GRID1: variants seen among roughly 807,000 people sequenced by gnomAD.
The protein encoded by GRID1 is glutamate ionotropic receptor delta type subunit 1, also known as glutamate receptor ionotropic, delta-1.
GRID1 carries 28 observed loss-of-function variants against 98.0 expected under a neutral mutation model. The observed-to-expected ratio is 0.29, with a 90% CI of 0.21 to 0.39. The LOEUF (loss-of-function observed/expected upper bound fraction) is 0.39. Ranked by LOEUF, GRID1 falls within the 10% of genes least tolerant of loss-of-function variation. The pLI, the probability that GRID1 is intolerant of heterozygous loss-of-function variation, is 1.00. For synonymous variants in GRID1, 553 were observed against 538.5 expected (o/e 1.03, Z -0.37); for missense variants, 1,111 against 1,340.5 (o/e 0.83, Z 2.67).
chr10:85,925,766 G>C (rs1305844046), intron 4 of GRID1, among the ~76,000 whole-genome samples: 1 of 152,184 alleles, frequency 6.6e-6, no homozygotes. Context: ...TCCTGACCCA[G>C]AGCGGGTACA....
At chr10:85,648,573 T>C (rs1476389117) in intron 12 of GRID1, among the ~76,000 whole-genome samples, 1 of 152,018 alleles carries the variant, frequency 6.6e-6, no homozygotes, top group African/African-American at 2.4e-5. Flanking sequence ...TACACAACCC[T>C]CCATCTTCCG....
intron 4 of GRID1, among the ~76,000 whole-genome samples, chr10:86,084,899 T>G (rs977571520): frequency 1.3e-5 from 2 of 152,110 alleles, no homozygotes; most frequent in African/African-American, 2.4e-5. Flanking sequence ...GAGTTATTGT[T>G]TCATGGGTAC....
In GRID1 at chr10:86,365,500, C is replaced by A. The variant is rs1848663728; in HGVS notation, c.79+814G>T. Among the ~76,000 whole-genome samples, 3 of 151,748 alleles carry A rather than the reference C, an allele frequency of 2.0e-5. No individual in the cohort carries two copies. The South Asian group carries it at 6.3e-4, about 32-fold the overall frequency. On this transcript the variant is annotated intron_variant, in intron 1 of 15. Coordinates refer to ENST00000327946, the MANE Select transcript of GRID1 (RefSeq NM_017551.3). The surrounding 1 kb of genome is among the most constrained non-coding windows in gnomAD (Gnocchi z 4.8). ...CTCCTCCTCTGCGCTTTCATCTTCT[C>A]TCCCGGTTCTCTCTCTCTATCCATC...
intron 12 of GRID1, among the ~76,000 whole-genome samples, chr10:85,656,964 T>A (rs1840906058): frequency 6.6e-6 from 1 of 152,202 alleles, no homozygotes. Flanking sequence ...AAAGTCAAAG[T>A]GTGCATCCAA....
intron 2 of GRID1, among the ~76,000 whole-genome samples, chr10:86,263,968 G>T (rs1260196633): frequency 6.6e-6 from 1 of 152,200 alleles, no homozygotes. Context: ...GAGAGGGGAA[G>T]GGACTTGTCC....
At chr10:85,729,477 G>T in intron 9 of GRID1, 36 bp downstream of exon 9, 1 of 1,213,544 alleles carries the variant, frequency 8.2e-7, no homozygotes, top group Non-Finnish European at 1.2e-6. Flanking sequence ...AGCCTGGATG[G>T]TGTAGCTCGC....
intron 4 of GRID1, among the ~76,000 whole-genome samples, chr10:86,069,262 G>C (rs1033377053): frequency 2.0e-5 from 3 of 152,166 alleles, no homozygotes; most frequent in Non-Finnish European, 4.4e-5. Context: ...GATGTGAGCA[G>C]AATTATAATC....
chr10:86,073,892 C>T (rs1843840304), intron 4 of GRID1, among the ~76,000 whole-genome samples: 1 of 152,192 alleles, frequency 6.6e-6, no homozygotes, highest in South Asian at 2.1e-4. Flanking sequence ...AGGACCGCAG[C>T]AGACAGGCGC....
intron 8 of GRID1, among the ~76,000 whole-genome samples, chr10:85,806,455 TTTAA>T (rs1321408021): frequency 6.6e-6 from 1 of 152,168 alleles, no homozygotes; most frequent in Non-Finnish European, 1.5e-5. Flanking sequence ...ACCCTAGATA[TTTAA>T]TTAAGACAAA....
intron 2 of GRID1, among the ~76,000 whole-genome samples, chr10:86,262,069 G>C (rs1005375726): frequency 1.3e-5 from 2 of 152,224 alleles, no homozygotes; most frequent in African/African-American, 4.8e-5. Context: ...ACACAGCCAG[G>C]AGGTGGCAGT....
chr10:85,832,555 A>G (rs927139332), intron 8 of GRID1, among the ~76,000 whole-genome samples: 4 of 152,196 alleles, frequency 2.6e-5, no homozygotes, highest in South Asian at 2.1e-4. Flanking sequence ...AAGATGATGT[A>G]GACTCATTTC....
intron 12 of GRID1, among the ~76,000 whole-genome samples, chr10:85,665,586 C>T (rs1399099554): frequency 6.6e-6 from 1 of 152,128 alleles, no homozygotes; most frequent in African/African-American, 2.4e-5. Context: ...AGGAACATAC[C>T]ATCTCTATTA....
intron 4 of GRID1, among the ~76,000 whole-genome samples, chr10:85,998,426 T>G (rs1039807740): frequency 6.6e-6 from 1 of 152,026 alleles, no homozygotes; most frequent in Non-Finnish European, 1.5e-5. Context: ...TAGAAAATAT[T>G]TTGAATTACA....
chr10:86,040,305 G>A (rs1224564171), intron 4 of GRID1, among the ~76,000 whole-genome samples: 1 of 152,082 alleles, frequency 6.6e-6, no homozygotes, highest in Admixed American at 6.5e-5. Flanking sequence ...CACGTTTATT[G>A]CAGTGCTATT....
intron 4 of GRID1, among the ~76,000 whole-genome samples, chr10:85,964,209 C>T (rs753451908): frequency 1.3e-5 from 2 of 152,140 alleles, no homozygotes; most frequent in Non-Finnish European, 2.9e-5. Context: ...GGCCATACTG[C>T]CCAAAGTAAT....
intron 2 of GRID1, among the ~76,000 whole-genome samples, chr10:86,357,519 G>A (rs1848548572): frequency 6.6e-6 from 1 of 152,254 alleles, no homozygotes; most frequent in Admixed American, 6.5e-5. Flanking sequence ...GAGGAAGTGG[G>A]TGGTGCTGGA....
intron 4 of GRID1, among the ~76,000 whole-genome samples, chr10:85,986,305 T>C (rs112631798): frequency 2.6e-5 from 4 of 152,318 alleles, no homozygotes; most frequent in African/African-American, 9.6e-5. Flanking sequence ...TACCTGCAAA[T>C]AGCAAGCCCA....
At chr10:85,709,184 C>A in intron 12 of GRID1, 1 of 278,678 alleles carries the variant, frequency 3.6e-6, no homozygotes, top group Non-Finnish European at 7.3e-6. Context: ...TGGGCTTATG[C>A]CCTGCTGCAG....
rs757389944 is a variant in GRID1 at position 85,916,210 on chromosome 10, G to A, written c.756C>T (p.Asp252=). 4.3e-6 allele frequency: 7 copies of A among 1,613,482 alleles called. No homozygotes were observed. The African/African-American group carries it at 8.0e-5, about 18-fold the overall frequency. ...CCTCATTCACAAAGACCCAGTGGCTGTCCTTGGAAGCCAGGTTGGTCTCCA... is the reference window on the plus strand; with the variant it reads ...CCTCATTCACAAAGACCCAGTGGCTATCCTTGGAAGCCAGGTTGGTCTCCA... ...EAVETNLASK[D]SHWVFVNEEI... The change falls in exon 5 of 16, where the codon GAC becomes GAT. Residue 252 remains aspartate, a synonymous_variant. Transcript: ENST00000327946. The surrounding 1 kb of genome is among the most constrained non-coding windows in gnomAD (Gnocchi z 4.0).
Sources: gnomAD v4.1 joint callset for allele counts (sites outside exome capture counted in the v4.1 genomes callset) on GRCh38, gnomAD v4.1.1 for gene constraint, Gnocchi (gnomAD v3.1) non-coding constraint, MANE v1.5 for transcripts, NCBI Gene and HGNC (gene_info 2026-07-23, HGNC 2026-07-21) for gene names.